LINGO2: variants seen among roughly 807,000 people sequenced by gnomAD.
The protein encoded by LINGO2 is leucine rich repeat and Ig domain containing 2.
Under a neutral mutation model 30.6 loss-of-function variants are expected in LINGO2, and 14 were observed. The ratio of observed to expected loss-of-function variants is 0.46; its 90% confidence interval spans 0.30 to 0.72. The LOEUF (loss-of-function observed/expected upper bound fraction) is 0.72. Ranked by LOEUF, LINGO2 falls within the 30% of genes least tolerant of loss-of-function variation. LINGO2 has a pLI of 0.07. For synonymous variants in LINGO2, 317 were observed against 288.5 expected, an observed-to-expected ratio of 1.10 and a Z score of -1.00; for missense variants, 729 against 751.7, an observed-to-expected ratio of 0.97 and a Z score of 0.35.
the LINGO2 span, among the ~76,000 whole-genome samples, chr9:28,962,711 T>C: frequency 1.3e-5 from 2 of 151,814 alleles, no homozygotes; most frequent in East Asian, 3.9e-4. Flanking sequence ...TCATTTATCA[T>C]ATATACATCT....
chr9:29,131,853 G>A, the LINGO2 span, among the ~76,000 whole-genome samples: 3 of 151,284 alleles, frequency 2.0e-5, no homozygotes, highest in Non-Finnish European at 2.9e-5. Context: ...TACTGTCAAG[G>A]TAAGCCCACT....
intron 5 of LINGO2, among the ~76,000 whole-genome samples, chr9:27,968,166 A>T (rs1482268213): frequency 1.3e-5 from 2 of 152,148 alleles, no homozygotes; most frequent in Non-Finnish European, 2.9e-5. Flanking sequence ...ACTATTCTAA[A>T]ACAGCTTATA....
intron 4 of LINGO2, among the ~76,000 whole-genome samples, chr9:28,287,473 A>G (rs1823556076): frequency 6.6e-6 from 1 of 152,172 alleles, no homozygotes; most frequent in African/African-American, 2.4e-5. Context: ...TTCACCACAC[A>G]TGCACTGTAA....
chr9:28,667,724 A>G (rs767958801), intron 1 of LINGO2, among the ~76,000 whole-genome samples: 53 of 152,296 alleles, frequency 3.5e-4, no homozygotes, highest in Non-Finnish European at 6.5e-4. Flanking sequence ...AGCCTGGGAA[A>G]CAGAGTGAGC....
intron 4 of LINGO2, among the ~76,000 whole-genome samples, chr9:28,166,035 C>A (rs972614616): frequency 6.6e-6 from 1 of 152,156 alleles, no homozygotes; most frequent in African/African-American, 2.4e-5. Context: ...GGGTATGACT[C>A]ATAACAGAGT....
chr9:28,583,215 T>G (rs1294904817), intron 1 of LINGO2, among the ~76,000 whole-genome samples: 1 of 151,940 alleles, frequency 6.6e-6, no homozygotes, highest in East Asian at 1.9e-4. Flanking sequence ...ACAGCAGAAG[T>G]TGTAATGGCT....
chr9:28,406,032 A>G (rs1468114756), intron 2 of LINGO2, among the ~76,000 whole-genome samples: 1 of 152,136 alleles, frequency 6.6e-6, no homozygotes, highest in Non-Finnish European at 1.5e-5. Flanking sequence ...TTCCTGCACT[A>G]CCAATGCATT....
intron 4 of LINGO2, among the ~76,000 whole-genome samples, chr9:28,161,997 C>T (rs898816977): frequency 1.3e-5 from 2 of 151,894 alleles, no homozygotes; most frequent in Non-Finnish European, 2.9e-5. Context: ...TCTGAGACAT[C>T]CAGGAGGCAC....
rs75767053 is a variant in LINGO2, at chr9:28,070,857, A to C, written c.-86-58452T>G. Among the ~76,000 whole-genome samples the C allele has an allele frequency of 1.5e-3, 222 of 152,232 alleles. 3 individuals carry two copies. The East Asian group carries it at 0.035, about 24-fold the overall frequency. On this transcript the variant is annotated intron_variant, in intron 4 of 5. Transcript: ENST00000379992. Reference sequence around the variant, plus strand: ...CTTCCCAAGTAGCTGGGACTACAGCATGAGTAATCATGTCTGCCTATTTTT... The same window carrying C: ...CTTCCCAAGTAGCTGGGACTACAGCCTGAGTAATCATGTCTGCCTATTTTT...
At chr9:28,802,547 T>C in the LINGO2 span, among the ~76,000 whole-genome samples, 3 of 151,570 alleles carry the variant, frequency 2.0e-5, no homozygotes, top group Non-Finnish European at 4.4e-5. Flanking sequence ...AAAATACTTG[T>C]CAGAATGGTG....
At chr9:28,730,391 A>G in the LINGO2 span, among the ~76,000 whole-genome samples, 2 of 152,164 alleles carry the variant, frequency 1.3e-5, no homozygotes, top group African/African-American at 4.8e-5. Context: ...GTTAGGCTTA[A>G]CATCAAAAGG....
At chr9:28,189,293 A>AAGGG (rs1564028696) in intron 4 of LINGO2, among the ~76,000 whole-genome samples, 1 of 15,436 alleles carries the variant, frequency 6.5e-5, no homozygotes, top group Non-Finnish European at 1.5e-4. Flanking sequence ...GGGAGGGAGG[A>AAGGG]AGGAAGGAAG....
rs568123805 is a variant in LINGO2, at chr9:28,196,329, G to C, written c.-87+98879C>G. ...AATAATGTAATTATCAGAATTTCCA[G>C]ACCTATGTTTATATTCTTGGAAGAG... On this transcript the variant is annotated intron_variant, in intron 4 of 5. Coordinates refer to ENST00000379992, the Ensembl canonical transcript of LINGO2. Among the ~76,000 whole-genome samples, 30 of 151,688 alleles carry C rather than the reference G, an allele frequency of 2.0e-4. No individual in the cohort carries two copies. The East Asian group carries it at 2.1e-3, about 11-fold the overall frequency.
At chr9:29,023,847 T>C in the LINGO2 span, among the ~76,000 whole-genome samples, 1 of 152,174 alleles carries the variant, frequency 6.6e-6, no homozygotes. Flanking sequence ...GGAAGCTATA[T>C]AGGAAGCTAA....
intron 3 of LINGO2, among the ~76,000 whole-genome samples, chr9:28,361,256 A>G (rs1487473287): frequency 6.6e-6 from 1 of 152,234 alleles, no homozygotes; most frequent in Non-Finnish European, 1.5e-5. Flanking sequence ...GTATGTCATT[A>G]TAATTAATAT....
the LINGO2 span, among the ~76,000 whole-genome samples, chr9:28,877,150 A>T: frequency 1.3e-5 from 2 of 148,602 alleles, no homozygotes; most frequent in Non-Finnish European, 3.0e-5. Context: ...TCTGGATATT[A>T]GCCCTTTGTC....
intron 5 of LINGO2, among the ~76,000 whole-genome samples, chr9:27,957,813 G>A (rs544172623): frequency 1.3e-5 from 2 of 152,202 alleles, no homozygotes; most frequent in East Asian, 3.8e-4. Context: ...TATTATAACA[G>A]TATTGAACAA....
chr9:28,607,548 C>T (rs1825743815), intron 1 of LINGO2, among the ~76,000 whole-genome samples: 1 of 151,994 alleles, frequency 6.6e-6, no homozygotes, highest in Non-Finnish European at 1.5e-5. Context: ...ATAGAACTTT[C>T]ACTCTGTTTC....
chr9:29,023,183 G>A, the LINGO2 span, among the ~76,000 whole-genome samples: 3 of 152,110 alleles, frequency 2.0e-5, 1 homozygote, highest in Admixed American at 2.0e-4. Context: ...GTTATAGTTG[G>A]TCATGTTATT....
Sources: gnomAD v4.1 joint callset for allele counts (sites outside exome capture counted in the v4.1 genomes callset) on GRCh38, gnomAD v4.1.1 for gene constraint, MANE v1.5 for transcripts, NCBI Gene and HGNC (gene_info 2026-07-23, HGNC 2026-07-21) for gene names.